COL15A1: variants seen among roughly 807,000 people sequenced by gnomAD.
COL15A1 encodes the protein collagen type XV alpha 1 chain, also known as collagen alpha-1(XV) chain.
A neutral mutation model predicts 165.9 loss-of-function variants in COL15A1; 111 were observed. The observed-to-expected ratio is 0.67, with a 90% CI of 0.57 to 0.78. COL15A1 has a LOEUF of 0.78. Ranked by LOEUF, COL15A1 falls within the 30% of genes least tolerant of loss-of-function variation. The pLI is 0.00. For synonymous variants in COL15A1, 659 were observed against 674.8 expected (o/e 0.98, Z 0.36); for missense variants, 1,745 against 1,789.7 (o/e 0.98, Z 0.45).
chr9:98,999,079 G>C (rs1156585565), intron 6 of COL15A1, among the ~76,000 whole-genome samples: 1 of 152,188 alleles, frequency 6.6e-6, no homozygotes, highest in Non-Finnish European at 1.5e-5. Flanking sequence ...GAGAGTGCTC[G>C]ACCCGTGCTG....
intron 2 of COL15A1, among the ~76,000 whole-genome samples, chr9:98,970,477 G>C (rs1838029623): frequency 6.6e-6 from 1 of 152,222 alleles, no homozygotes; most frequent in South Asian, 2.1e-4. Context: ...GCCCTTAAGG[G>C]GGTAGCAGGA....
chr9:99,052,252 G>C (rs1315214241), intron 30 of COL15A1, 136 bp from the exon 31 acceptor site: 1 of 705,506 alleles, frequency 1.4e-6, no homozygotes, highest in Admixed American at 2.0e-5. Context: ...GGCTTTGGGG[G>C]ACTCCAGAGC....
rs1352167338 is a variant in COL15A1 at position 99,042,045 on chromosome 9, G to T, written c.2512G>T (p.Gly838Cys). The T allele has an allele frequency of 3.7e-6, 6 of 1,602,972 alleles. No individual in the cohort carries two copies. The highest frequency in any genetic ancestry group is 5.1e-6 in the Non-Finnish European group (6 of 1,171,464). ...AATACTATATAACAATTCCTTCCAG[G>T]GTCCTAGAGGACCAAAAGGTGACAC... ...DGLPGLPGFP[G>C]PRGPKGDTGL... is the part of the protein sequence containing the mutation. The change falls in exon 24 of 42, where the codon GGT becomes TGT. Residue 838 changes from glycine to cysteine, a missense_variant and splice_region_variant. Transcript: ENST00000375001.
intron 30 of COL15A1, among the ~76,000 whole-genome samples, chr9:99,051,988 G>A (rs1200124948): frequency 6.6e-6 from 1 of 152,218 alleles, no homozygotes; most frequent in African/African-American, 2.4e-5. Flanking sequence ...CGGTTTCACG[G>A]TTGGGCATGT....
intron 21 of COL15A1, 37 bp from the exon 22 acceptor site, chr9:99,038,631 A>G (rs1378802471): frequency 1.0e-5 from 13 of 1,286,990 alleles, no homozygotes; most frequent in Non-Finnish European, 1.5e-5. Flanking sequence ...AACACATGCC[A>G]TCCTTTGTCC....
chr9:98,957,106 A>G (rs1837789121), intron 2 of COL15A1, among the ~76,000 whole-genome samples: 1 of 152,200 alleles, frequency 6.6e-6, no homozygotes, highest in African/African-American at 2.4e-5. Context: ...TAATCAGCTG[A>G]CCTCAAATGA....
intron 2 of COL15A1, among the ~76,000 whole-genome samples, chr9:98,944,456 G>A (rs1476784411): frequency 1.3e-5 from 2 of 152,220 alleles, no homozygotes; most frequent in African/African-American, 4.8e-5. Context: ...TGGGCAGCTG[G>A]GGCGGTTGGA....
chr9:98,989,910 A>T (rs989408453), intron 5 of COL15A1, among the ~76,000 whole-genome samples: 6 of 152,238 alleles, frequency 3.9e-5, no homozygotes, highest in Non-Finnish European at 5.9e-5. Context: ...GCACTGAGTC[A>T]GACTGTGGGG....
At chr9:98,966,078 G>A (rs1837951656) in intron 2 of COL15A1, among the ~76,000 whole-genome samples, 1 of 152,194 alleles carries the variant, frequency 6.6e-6, no homozygotes. Flanking sequence ...TAGAATGAAT[G>A]ATAGTAAGGT....
chr9:98,966,349 T>G (rs561114648), intron 2 of COL15A1, among the ~76,000 whole-genome samples: 2 of 152,284 alleles, frequency 1.3e-5, no homozygotes, highest in East Asian at 3.9e-4. Context: ...TGCACCCCCA[T>G]GGAGGAGATG....
In COL15A1 at chr9:99,000,753, T is replaced by C; in HGVS notation, c.953-86T>C. ...CTGTGTCATGGTATCTGAACATCTT[T>C]CCAAGTTAGCTGGTGAAGAGATACC... On this transcript the variant is annotated intron_variant, in intron 6 of 41. Transcript: ENST00000375001. 6.7e-6 allele frequency: 5 copies of C among 751,590 alleles called. No individual in the cohort carries two copies. In the East Asian group the frequency reaches 1.2e-4, roughly 19 times the overall value. The allele number at this position is 751,590 out of a possible 1,614,324, so 46.6% of individuals were successfully genotyped here. A position where few individuals can be genotyped will look rare whatever the true frequency, so the allele number is the denominator to read the frequency against.
intron 24 of COL15A1, 64 bp from the exon 25 acceptor site, chr9:99,044,504 A>G (rs1839462538): frequency 2.0e-6 from 3 of 1,504,838 alleles, no homozygotes; most frequent in Admixed American, 1.7e-5. Flanking sequence ...TCTCTGTACA[A>G]AACTCTCTGG....
chr9:99,026,574 A>G (rs1839129089), intron 16 of COL15A1, among the ~76,000 whole-genome samples: 1 of 151,622 alleles, frequency 6.6e-6, no homozygotes, highest in South Asian at 2.1e-4. Context: ...GCATCCCCCA[A>G]CTCCTCACAC....
chr9:98,996,117 G>A (rs968198071), intron 5 of COL15A1, among the ~76,000 whole-genome samples: 1 of 152,214 alleles, frequency 6.6e-6, no homozygotes, highest in African/African-American at 2.4e-5. Flanking sequence ...AGTCAGGAAA[G>A]GTAAGTGATG....
chr9:99,019,255 G>T lies in COL15A1; in HGVS notation c.1648-1134G>T, dbSNP rs554161328. On this transcript the variant is annotated intron_variant, in intron 11 of 41. Transcript: ENST00000375001. ...CTTGCCCAGACTAGAGTGCAGTGGC[G>T]TGATCTCGGCTTACTGCAACCTCCG... Among the ~76,000 whole-genome samples, 7 of 152,282 alleles carry T rather than the reference G, an allele frequency of 4.6e-5. No homozygotes were observed. In the East Asian group the frequency reaches 1.4e-3, roughly 29 times the overall value.
chr9:99,047,788 G>T lies in COL15A1; in HGVS notation c.2682G>T (p.Gly894=). ...PGMHGAPGPM[G]PKGPPGHKGE... ...TCTGGCATTTGTTTTGCCTCTAGGG[G>T]CCCAAAGGACCACCAGGACATAAAG... The change falls in exon 27 of 42, where the codon GGG becomes GGT. Residue 894 remains glycine, a splice_region_variant and synonymous_variant. Transcript: ENST00000375001. 5.0e-6 allele frequency: 8 copies of T among 1,614,060 alleles called. No homozygotes were observed. Among genetic ancestry groups the T allele is most frequent in the Non-Finnish European group, 5.9e-6 (7 of 1,179,974 alleles).
At chr9:98,969,408 A>T (rs1276399754) in intron 2 of COL15A1, among the ~76,000 whole-genome samples, 1 of 152,200 alleles carries the variant, frequency 6.6e-6, no homozygotes, top group Non-Finnish European at 1.5e-5. Flanking sequence ...GAAGTATCTT[A>T]TCCAAAGTTG....
chr9:98,959,227 CAAAAA>C (rs60892848), intron 2 of COL15A1, among the ~76,000 whole-genome samples: 57 of 73,218 alleles, frequency 7.8e-4, no homozygotes, highest in Non-Finnish European at 6.0e-4. Flanking sequence ...CCTGTCTCTA[CAAAAA>C]AAAAAAAAAA....
chr9:98,987,706 G>C (rs1474196720), intron 4 of COL15A1, among the ~76,000 whole-genome samples: 1 of 152,142 alleles, frequency 6.6e-6, no homozygotes, highest in Non-Finnish European at 1.5e-5. Context: ...TATAAAAAAC[G>C]ATCCTCAACT....
Sources: allele counts gnomAD v4.1 joint callset (sites outside exome capture counted in the v4.1 genomes callset), GRCh38; gene constraint gnomAD v4.1.1; transcripts MANE v1.5; gene names NCBI Gene and HGNC (gene_info 2026-07-23, HGNC 2026-07-21).